Variants in SLC24A2 observed in about 807,000 individuals in gnomAD.
The protein encoded by SLC24A2 is sodium/potassium/calcium exchanger 2.
SLC24A2 carries 36 observed loss-of-function variants against 62.0 expected under a neutral mutation model. That is an observed-to-expected ratio of 0.58 (90% CI 0.44 to 0.77). SLC24A2 has a LOEUF of 0.77. SLC24A2 is among the 30% of genes least tolerant of loss of function. SLC24A2 has a pLI of 0.00. For synonymous variants in SLC24A2, 358 were observed against 294.0 expected (o/e 1.22, Z -2.23); for missense variants, 846 against 817.9 (o/e 1.03, Z -0.42).
chr9:19,570,316 T>TACACCTTTGCACA (rs1298288129), intron 7 of SLC24A2, among the ~76,000 whole-genome samples: 1 of 152,210 alleles, frequency 6.6e-6, no homozygotes, highest in Non-Finnish European at 1.5e-5. Flanking sequence ...GTCATTTTGG[T>TACACCTTTGCACA]TATTTCTTCA....
chr9:19,595,771 G>C (rs1349922614), intron 5 of SLC24A2, among the ~76,000 whole-genome samples: 1 of 152,172 alleles, frequency 6.6e-6, no homozygotes, highest in African/African-American at 2.4e-5. Context: ...ATTAATGATA[G>C]AAGGTAATGG....
intron 3 of SLC24A2, among the ~76,000 whole-genome samples, chr9:19,620,620 C>G (rs754233144): frequency 6.6e-6 from 1 of 152,182 alleles, no homozygotes; most frequent in East Asian, 1.9e-4. Flanking sequence ...CCTAAAAACT[C>G]CCAAACCCTC....
intron 5 of SLC24A2, among the ~76,000 whole-genome samples, chr9:19,578,561 T>C (rs1043104972): frequency 1.3e-5 from 2 of 152,144 alleles, no homozygotes; most frequent in Non-Finnish European, 2.9e-5. Flanking sequence ...TGTATTTTTT[T>C]TTTTTCCGGC....
At chr9:20,290,700 C>A in the SLC24A2 span, among the ~76,000 whole-genome samples, 1 of 152,110 alleles carries the variant, frequency 6.6e-6, no homozygotes, top group African/African-American at 2.4e-5. Flanking sequence ...GAGAGCTGTG[C>A]CTGAGATGCC....
chr9:19,872,667 T>A, the SLC24A2 span, among the ~76,000 whole-genome samples: 1 of 152,204 alleles, frequency 6.6e-6, no homozygotes, highest in East Asian at 1.9e-4. Flanking sequence ...ATTTGGGCGG[T>A]AGGGCCTAGT....
chr9:19,611,723 G>A (rs1361924611), intron 4 of SLC24A2, among the ~76,000 whole-genome samples: 1 of 152,136 alleles, frequency 6.6e-6, no homozygotes, highest in Non-Finnish European at 1.5e-5. Flanking sequence ...TCAGAAAGAG[G>A]GAAAAGGGGA....
intron 4 of SLC24A2, among the ~76,000 whole-genome samples, chr9:19,612,841 G>A (rs938425321): frequency 1.3e-5 from 2 of 152,124 alleles, no homozygotes; most frequent in African/African-American, 4.8e-5. Context: ...CCAAGACCCT[G>A]TTTCTAAAAA....
At chr9:19,709,825 C>G (rs541732324) in intron 2 of SLC24A2, among the ~76,000 whole-genome samples, 5 of 151,504 alleles carry the variant, frequency 3.3e-5, no homozygotes, top group South Asian at 2.1e-4. Context: ...GGGTGCAGCA[C>G]AACAACATGG....
At chr9:19,818,758 A>G in the SLC24A2 span, among the ~76,000 whole-genome samples, 1 of 152,160 alleles carries the variant, frequency 6.6e-6, no homozygotes, top group African/African-American at 2.4e-5. Context: ...ACATTGTGAA[A>G]ATGACCATAC....
the SLC24A2 span, among the ~76,000 whole-genome samples, chr9:20,090,307 C>T: frequency 6.6e-6 from 1 of 152,148 alleles, no homozygotes; most frequent in Non-Finnish European, 1.5e-5. Context: ...TTCTAAGGTT[C>T]CTTTCTTTGC....
chr9:20,015,726 G>A, the SLC24A2 span, among the ~76,000 whole-genome samples: 2 of 152,190 alleles, frequency 1.3e-5, no homozygotes, highest in Non-Finnish European at 2.9e-5. Context: ...ACAGGAAATG[G>A]GTGGTGGATA....
chr9:19,562,853 C>A (rs1473017974), intron 7 of SLC24A2, among the ~76,000 whole-genome samples: 1 of 152,092 alleles, frequency 6.6e-6, no homozygotes, highest in Non-Finnish European at 1.5e-5. Context: ...ACTTGTAGTC[C>A]CAGCACTTTT....
chr9:20,264,198 G>T, the SLC24A2 span, among the ~76,000 whole-genome samples: 1 of 152,172 alleles, frequency 6.6e-6, no homozygotes, highest in Admixed American at 6.5e-5. Context: ...TGAAATGTCA[G>T]TTCTGACACA....
At chr9:19,819,258 A>T in the SLC24A2 span, among the ~76,000 whole-genome samples, 1 of 152,176 alleles carries the variant, frequency 6.6e-6, no homozygotes, top group Non-Finnish European at 1.5e-5. Flanking sequence ...AGAAGATAAC[A>T]TTGGAAAAAC....
chr9:20,291,582 TG>T, the SLC24A2 span, among the ~76,000 whole-genome samples: 3 of 152,200 alleles, frequency 2.0e-5, no homozygotes, highest in Non-Finnish European at 4.4e-5. Context: ...CATGTGTCTC[TG>T]GCCAGCCCAT....
rs369430941 is a variant in SLC24A2 at position 19,588,415 on chromosome 9, T to C, written c.1129+8814A>G. On this transcript the variant is annotated intron_variant, in intron 5 of 10. Coordinates refer to ENST00000341998, the MANE Select transcript of SLC24A2 (RefSeq NM_020344.4). ...GTGCTTCTCAGACTTTCTGTAGGGA[T>C]AGCAATGATCTTGAGGTATGAAGGG... Among the ~76,000 whole-genome samples the C allele has an allele frequency of 1.2e-4, 19 of 152,218 alleles. No individual in the cohort carries two copies. In the East Asian group the frequency reaches 2.7e-3, roughly 22 times the overall value.
At chr9:19,850,046 T>G in the SLC24A2 span, among the ~76,000 whole-genome samples, 3 of 149,786 alleles carry the variant, frequency 2.0e-5, no homozygotes, top group Non-Finnish European at 4.4e-5. Flanking sequence ...GTAGGATGAA[T>G]GTTATGTAGG....
At chr9:20,223,699 A>G in the SLC24A2 span, among the ~76,000 whole-genome samples, 1 of 152,172 alleles carries the variant, frequency 6.6e-6, no homozygotes, top group African/African-American at 2.4e-5. Flanking sequence ...ATGGATATAT[A>G]GTGGATGTGG....
chr9:19,538,320 G>T (rs1277437665), intron 8 of SLC24A2, among the ~76,000 whole-genome samples: 2 of 146,736 alleles, frequency 1.4e-5, no homozygotes, highest in African/African-American at 5.3e-5. Flanking sequence ...TGCCCATTCG[G>T]TATGATACTG....
Sources: allele counts gnomAD v4.1 joint callset (sites outside exome capture counted in the v4.1 genomes callset), GRCh38; gene constraint gnomAD v4.1.1; transcripts MANE v1.5; gene names NCBI Gene and HGNC (gene_info 2026-07-23, HGNC 2026-07-21).